KIF6: variants seen among roughly 807,000 people sequenced by gnomAD.
KIF6 encodes kinesin-like protein KIF6.
KIF6 carries 106 observed loss-of-function variants against 112.7 expected under a neutral mutation model. The ratio of observed to expected loss-of-function variants is 0.94; its 90% CI spans 0.80 to 1.11. The LOEUF is 1.11. KIF6 is among the 50% of genes least tolerant of loss of function. KIF6 has a pLI of 0.00. For synonymous variants in KIF6, 339 were observed against 339.9 expected (o/e 1.00, Z 0.03); for missense variants, 929 against 964.0 (o/e 0.96, Z 0.48).
At position 39,378,825 on chromosome 6, in the gene KIF6, C is replaced by G. The variant is rs188727054; in HGVS notation, c.1861+6797G>C. ...TATTTGAGAGAGAGGCCACAGCCCA[C>G]GTTCCTGGGGCTGGATTCTTCCAGT... On this transcript the variant is annotated intron_variant, in intron 16 of 22. Coordinates refer to ENST00000287152, the MANE Select transcript of KIF6 (RefSeq NM_145027.6). This position sits in a 1 kb window ranked among gnomAD's most constrained non-coding sequence, Gnocchi z 5.0. 6.6e-6 allele frequency among the ~76,000 whole-genome samples: 1 copy of G among 152,200 alleles called. No homozygotes were observed. The highest frequency in any genetic ancestry group is 1.5e-5 in the Non-Finnish European group (1 of 68,030).
At position 39,345,730 on chromosome 6, in the gene KIF6, T is replaced by C; in HGVS notation, c.2291A>G (p.Gln764Arg). ...TTCCAGTGGGGTGCTGGTGCTGCTC[T>C]GTTTCTGGCTGTGTGGACTGGGGCA... is the stretch of plus-strand genomic sequence containing the variant. ...SPCPSPHSQK[Q>R]SSTSTPLEDS... The change falls in exon 21 of 23, where the codon CAG (glutamine) becomes CGG (arginine). Residue 764 changes from glutamine (Q) to arginine (R), a missense_variant. Gln to Arg is a conservative substitution (Grantham distance 43, BLOSUM62 1). This residue lies in a region of KIF6 where 241 missense variants were observed against 301.4 expected (regional missense o/e 0.80). Coordinates refer to ENST00000287152, the MANE Select transcript of KIF6 (RefSeq NM_145027.6). 6.2e-7 allele frequency: 1 copy of C among 1,613,950 alleles called. No individual in the cohort carries two copies. The highest frequency in any genetic ancestry group is 1.1e-5 in the South Asian group (1 of 90,946).
intron 10 of KIF6, among the ~76,000 whole-genome samples, chr6:39,565,693 C>A (rs1403054986): frequency 1.3e-5 from 2 of 152,190 alleles, no homozygotes; most frequent in African/African-American, 2.4e-5. Flanking sequence ...CAAATGAAAT[C>A]CTTCTCAGTA....
chr6:39,632,829 C>T (rs1784429664), intron 5 of KIF6, among the ~76,000 whole-genome samples: 1 of 151,914 alleles, frequency 6.6e-6, no homozygotes, highest in Non-Finnish European at 1.5e-5. Flanking sequence ...ACCATGTTAG[C>T]CAGGATGGTC....
chr6:39,458,354 T>G (rs1467545890), intron 13 of KIF6, among the ~76,000 whole-genome samples: 2 of 146,562 alleles, frequency 1.4e-5, no homozygotes, highest in Non-Finnish European at 3.0e-5. Flanking sequence ...ATAAATTAGG[T>G]ATTGATGGGA....
chr6:39,495,315 A>T (rs1378049702), intron 13 of KIF6, among the ~76,000 whole-genome samples: 1 of 152,204 alleles, frequency 6.6e-6, no homozygotes, highest in Non-Finnish European at 1.5e-5. Flanking sequence ...GCGAGAGTGC[A>T]GCAGCCCATA....
rs148341880 is a variant in KIF6 at position 39,635,679 on chromosome 6, T to G, written c.400-721A>C. ...GACATAGGCATCAATGTAATGAGGC[T>G]AAAAGTAAAGGTGCCTGGTCCTAGT... On this transcript the variant is annotated intron_variant, in intron 4 of 22. Coordinates refer to ENST00000287152, the MANE Select transcript of KIF6 (RefSeq NM_145027.6). Among the ~76,000 whole-genome samples the G allele has an allele frequency of 1.7e-3, 253 of 152,152 alleles. 1 individual carries two copies. Among genetic ancestry groups the G allele is most frequent in the African/African-American group, 5.6e-3 (233 of 41,558 alleles).
chr6:39,417,584 T>A (rs1450261406), intron 15 of KIF6, among the ~76,000 whole-genome samples: 2 of 152,194 alleles, frequency 1.3e-5, no homozygotes, highest in Non-Finnish European at 2.9e-5. Context: ...AGCCCTCAGT[T>A]GGTTGGCCCT....
At chr6:39,676,061 G>GA (rs1787119591) in intron 3 of KIF6, among the ~76,000 whole-genome samples, 1 of 17,100 alleles carries the variant, frequency 5.8e-5, no homozygotes, top group African/African-American at 1.0e-4. Flanking sequence ...AAGGAAATAT[G>GA]GAAAAAAAAA....
Position 39,584,538 on chromosome 6 carries a change from G to A in KIF6, c.1077+360C>T, listed in dbSNP as rs546065308. Among the ~76,000 whole-genome samples the A allele has an allele frequency of 2.1e-5, 3 of 146,340 alleles. 1 individual carries two copies. The South Asian group carries it at 6.7e-4, about 33-fold the overall frequency. On this transcript the variant is annotated intron_variant, in intron 9 of 22. Coordinates refer to ENST00000287152, the MANE Select transcript of KIF6 (RefSeq NM_145027.6). ...CTGCATATAGATGTAATCATGTGTG[G>A]TTCTGTTGTATGAGTCCTTAGGATT...
intron 22 of KIF6, among the ~76,000 whole-genome samples, chr6:39,339,001 G>A (rs902933184): frequency 3.3e-5 from 5 of 152,056 alleles, no homozygotes; most frequent in Non-Finnish European, 7.4e-5. Context: ...GGGAGAGCAC[G>A]CTCTGCCCCA....
intron 15 of KIF6, among the ~76,000 whole-genome samples, chr6:39,389,012 A>G (rs1767648897): frequency 6.6e-6 from 1 of 152,156 alleles, no homozygotes; most frequent in South Asian, 2.1e-4. Flanking sequence ...ACATTAATTG[A>G]TGGATTGTGG....
intron 10 of KIF6, among the ~76,000 whole-genome samples, chr6:39,545,975 C>T (rs192299958): frequency 6.6e-6 from 1 of 152,160 alleles, no homozygotes; most frequent in East Asian, 1.9e-4. Context: ...ATTTCTATGC[C>T]CCTGTGCCTG....
At chr6:39,369,122 G>A (rs1234344513) in intron 16 of KIF6, among the ~76,000 whole-genome samples, 1 of 152,182 alleles carries the variant, frequency 6.6e-6, no homozygotes, top group African/African-American at 2.4e-5. Flanking sequence ...GGTGTTCATA[G>A]CTCAATTACC....
intron 16 of KIF6, among the ~76,000 whole-genome samples, chr6:39,381,586 T>C (rs1473733282): frequency 5.9e-5 from 9 of 152,162 alleles, no homozygotes; most frequent in Non-Finnish European, 1.0e-4. Flanking sequence ...TAAGGTTCTA[T>C]AAGCAATCTG....
At chr6:39,385,778 G>T in intron 15 of KIF6, 106 bp from the exon 16 acceptor site, 1 of 754,962 alleles carries the variant, frequency 1.3e-6, no homozygotes, top group South Asian at 1.6e-5. Context: ...AAAAGGTAGA[G>T]TAAGGGAAAC....
Position 39,611,453 on chromosome 6 carries a change from T to A in KIF6, c.639+1736A>T, listed in dbSNP as rs1188904873. On this transcript the variant is annotated intron_variant, in intron 6 of 22. Transcript: ENST00000287152. ...TGTAGTTAAAGTTCATGCATAACTT[T>A]GAAAGAGCAAATGGCCAAGCTTTTA... is the stretch of plus-strand genomic sequence containing the variant. 5.9e-5 allele frequency among the ~76,000 whole-genome samples: 9 copies of A among 152,328 alleles called. No individual in the cohort carries two copies. The South Asian group carries it at 1.9e-3, about 32-fold the overall frequency.
At chr6:39,616,340 C>A (rs1004277289) in intron 5 of KIF6, among the ~76,000 whole-genome samples, 2 of 152,174 alleles carry the variant, frequency 1.3e-5, no homozygotes, top group African/African-American at 4.8e-5. Flanking sequence ...CTTGGCGTTT[C>A]TTCATAGAAC....
intron 13 of KIF6, among the ~76,000 whole-genome samples, chr6:39,478,091 T>C (rs1774548637): frequency 6.6e-6 from 1 of 152,172 alleles, no homozygotes; most frequent in Non-Finnish European, 1.5e-5. Context: ...TGGTATTTGG[T>C]TACATGAGTA....
intron 3 of KIF6, among the ~76,000 whole-genome samples, chr6:39,667,981 G>C (rs1786582061): frequency 6.6e-6 from 1 of 152,148 alleles, no homozygotes; most frequent in Non-Finnish European, 1.5e-5. Context: ...GAGTTCATGA[G>C]AGATCTGGTT....
Sources: gnomAD v4.1 joint callset for allele counts (sites outside exome capture counted in the v4.1 genomes callset) on GRCh38, gnomAD v4.1.1 for gene constraint, gnomAD v4.1.1 regional missense constraint, Gnocchi (gnomAD v3.1) non-coding constraint, MANE v1.5 for transcripts, NCBI Gene and HGNC (gene_info 2026-07-23, HGNC 2026-07-21) for gene names.